The following SNX7 variants were observed in gnomAD, a reference collection of about 807,000 sequenced individuals.
SNX7 encodes sorting nexin 7.
A neutral mutation model predicts 48.4 loss-of-function variants in SNX7; 35 were observed. That is an observed-to-expected ratio of 0.72 (90% confidence interval 0.55 to 0.96). SNX7 has a LOEUF of 0.96. SNX7 is among the 40% of genes least tolerant of loss of function. The pLI is 0.00. For missense variants in SNX7, 553 were observed against 548.9 expected (o/e 1.01, Z -0.07); for synonymous variants, 190 against 190.2 (o/e 1.00, Z 0.01).
At chr1:98,730,292 C>A (rs1215263913) in intron 7 of SNX7, among the ~76,000 whole-genome samples, 1 of 152,132 alleles carries the variant, frequency 6.6e-6, no homozygotes, top group Non-Finnish European at 1.5e-5. Flanking sequence ...GACAAACCCA[C>A]AGCCATATCA....
At chr1:98,722,692 A>G (rs1273811347) in intron 7 of SNX7, among the ~76,000 whole-genome samples, 1 of 151,844 alleles carries the variant, frequency 6.6e-6, no homozygotes, top group Non-Finnish European at 1.5e-5. Flanking sequence ...AAGGAAAACA[A>G]TGATGATATT....
At chr1:98,714,870 T>C (rs1652505505) in intron 7 of SNX7, among the ~76,000 whole-genome samples, 1 of 152,176 alleles carries the variant, frequency 6.6e-6, no homozygotes, top group Non-Finnish European at 1.5e-5. Flanking sequence ...GGGTTTCAAG[T>C]GGGGAAGAGT....
chr1:98,732,716 G>C (rs1396032173), intron 7 of SNX7, among the ~76,000 whole-genome samples: 2 of 152,022 alleles, frequency 1.3e-5, no homozygotes, highest in Non-Finnish European at 2.9e-5. Context: ...AAAGAGGTCA[G>C]GGTCAATAAA....
At chr1:98,706,444 T>G (rs1260751477) in intron 7 of SNX7, among the ~76,000 whole-genome samples, 2 of 152,096 alleles carry the variant, frequency 1.3e-5, no homozygotes, top group East Asian at 1.9e-4. Flanking sequence ...AGTGAGCAAG[T>G]AAAAGAGTTG....
Position 98,691,653 on chromosome 1 carries a change from T to C in SNX7, c.593T>C (p.Leu198Ser). 1 of 1,609,742 alleles carries C rather than the reference T, an allele frequency of 6.2e-7. No homozygotes were observed. Among genetic ancestry groups the C allele is most frequent in the Non-Finnish European group, 8.5e-7 (1 of 1,177,906 alleles). ...AACCGAATTGCTGATCATCCAACTT[T>C]AACATTTAATGAAGACTTCAAAATT... ...FLNRIADHPTLTFNEDFKIFL... is the reference protein window; with the variant it reads ...FLNRIADHPTSTFNEDFKIFL... The change falls in exon 4 of 9, where the codon TTA (leucine) becomes TCA (serine). Residue 198 changes from leucine (L) to serine (S), a missense_variant. Coordinates refer to ENST00000306121, the MANE Select transcript of SNX7 (RefSeq NM_015976.5).
intron 1 of SNX7, among the ~76,000 whole-genome samples, chr1:98,671,268 A>G (rs915476967): frequency 6.6e-6 from 1 of 152,174 alleles, no homozygotes; most frequent in African/African-American, 2.4e-5. Context: ...AAAGAGTTAT[A>G]TGCTTAAAAG....
At chr1:98,663,739 C>T (rs1649395964) in intron 1 of SNX7, among the ~76,000 whole-genome samples, 1 of 152,010 alleles carries the variant, frequency 6.6e-6, no homozygotes, top group South Asian at 2.1e-4. Flanking sequence ...GTTTTTCCAC[C>T]TAATTTTGTA....
chr1:98,687,534 A>G (rs1650871797), intron 2 of SNX7, among the ~76,000 whole-genome samples: 1 of 152,088 alleles, frequency 6.6e-6, no homozygotes, highest in Non-Finnish European at 1.5e-5. Context: ...TTTATTGAGT[A>G]CCCCGTTTGT....
intron 8 of SNX7, among the ~76,000 whole-genome samples, chr1:98,745,492 T>C (rs1654266568): frequency 6.6e-6 from 1 of 152,126 alleles, no homozygotes; most frequent in South Asian, 2.1e-4. Flanking sequence ...GGTGCTAAAA[T>C]GGGCCTTCAG....
At chr1:98,732,149 C>T (rs1653544388) in intron 7 of SNX7, among the ~76,000 whole-genome samples, 1 of 152,136 alleles carries the variant, frequency 6.6e-6, no homozygotes, top group African/African-American at 2.4e-5. Flanking sequence ...GCATTAAATA[C>T]ATTTTTGGCT....
intron 8 of SNX7, among the ~76,000 whole-genome samples, chr1:98,747,800 AGTT>A (rs1654377466): frequency 6.6e-6 from 1 of 152,088 alleles, no homozygotes; most frequent in African/African-American, 2.4e-5. Context: ...AGAATCAACT[AGTT>A]GTCATTTTTA....
At chr1:98,690,821 T>C (rs1383418925) in intron 2 of SNX7, among the ~76,000 whole-genome samples, 1 of 152,072 alleles carries the variant, frequency 6.6e-6, no homozygotes, top group Non-Finnish European at 1.5e-5. Flanking sequence ...GTAAGACAGA[T>C]TTTTCAGTTT....
intron 7 of SNX7, among the ~76,000 whole-genome samples, chr1:98,737,686 A>G (rs917131942): frequency 3.3e-5 from 5 of 152,140 alleles, no homozygotes; most frequent in Admixed American, 3.3e-4. Context: ...ATCTTGAATT[A>G]TAAACTTGCC....
intron 7 of SNX7, among the ~76,000 whole-genome samples, chr1:98,731,511 A>G (rs1050072455): frequency 6.6e-6 from 1 of 152,078 alleles, no homozygotes; most frequent in African/African-American, 2.4e-5. Context: ...ACTTTCCATA[A>G]CTCAATTACT....
At chr1:98,737,042 G>A (rs1653815002) in intron 7 of SNX7, among the ~76,000 whole-genome samples, 1 of 151,616 alleles carries the variant, frequency 6.6e-6, no homozygotes, top group African/African-American at 2.4e-5. Flanking sequence ...GCCACTCACT[G>A]CTTCTCTAAC....
chr1:98,748,105 T>C (rs1210776708), intron 8 of SNX7, among the ~76,000 whole-genome samples: 1 of 151,556 alleles, frequency 6.6e-6, no homozygotes, highest in Non-Finnish European at 1.5e-5. Flanking sequence ...GCCTCCTAAG[T>C]AACCAAGTAG....
At chr1:98,722,003 TC>T (rs1191328933) in intron 7 of SNX7, among the ~76,000 whole-genome samples, 1 of 152,074 alleles carries the variant, frequency 6.6e-6, no homozygotes, top group Non-Finnish European at 1.5e-5. Flanking sequence ...TCTGAGGAGA[TC>T]TCTACCTGTT....
At chr1:98,743,444 T>C (rs1654172555) in intron 8 of SNX7, among the ~76,000 whole-genome samples, 1 of 152,010 alleles carries the variant, frequency 6.6e-6, no homozygotes, top group Non-Finnish European at 1.5e-5. Flanking sequence ...CACAAATATA[T>C]TTATATGGAC....
intron 1 of SNX7, among the ~76,000 whole-genome samples, chr1:98,666,061 G>A (rs139932040): frequency 9.9e-4 from 151 of 152,178 alleles, no homozygotes; most frequent in African/African-American, 3.6e-3. Flanking sequence ...AAAAAGATTA[G>A]GAAGTCCTGC....
Sources: allele counts gnomAD v4.1 joint callset (sites outside exome capture counted in the v4.1 genomes callset), GRCh38; gene constraint gnomAD v4.1.1; transcripts MANE v1.5; gene names NCBI Gene and HGNC (gene_info 2026-07-23, HGNC 2026-07-21).